BANK1: variants seen among roughly 807,000 people sequenced by gnomAD.
BANK1 encodes B-cell scaffold protein with ankyrin repeats.
Under a neutral mutation model 94.5 loss-of-function variants are expected in BANK1, and 95 were observed. The observed-to-expected ratio is 1.00, with a 90% confidence interval of 0.85 to 1.19. The LOEUF (loss-of-function observed/expected upper bound fraction) is 1.19, where lower values mean the gene tolerates loss of function less well. Ranked by LOEUF, BANK1 falls within the 50% of genes most tolerant of loss-of-function variation. BANK1 has a pLI of 0.00. For synonymous variants in BANK1, 334 were observed against 308.4 expected, an observed-to-expected ratio of 1.08 and a Z score of -0.87; for missense variants, 987 against 932.2, an observed-to-expected ratio of 1.06 and a Z score of -0.77.
intron 12 of BANK1, chr4:102,062,660 T>C (rs1175050764): frequency 6.3e-6 from 1 of 159,086 alleles, no homozygotes; most frequent in Non-Finnish European, 1.4e-5. Context: ...GAGGCTGAGA[T>C]GGGCTCAGGC....
At chr4:101,939,288 C>A (rs186406355) in intron 7 of BANK1, among the ~76,000 whole-genome samples, 1 of 151,678 alleles carries the variant, frequency 6.6e-6, no homozygotes, top group African/African-American at 2.4e-5. Context: ...ACAAGACCGT[C>A]TAAAATGCAA....
At chr4:102,028,475 C>T (rs865982577) in intron 9 of BANK1, among the ~76,000 whole-genome samples, 1 of 152,106 alleles carries the variant, frequency 6.6e-6, no homozygotes, top group Non-Finnish European at 1.5e-5. Flanking sequence ...TTACCCAAGG[C>T]AATTGCTGAA....
At chr4:101,968,636 A>G (rs1289807926) in intron 7 of BANK1, among the ~76,000 whole-genome samples, 1 of 152,068 alleles carries the variant, frequency 6.6e-6, no homozygotes, top group African/African-American at 2.4e-5. Context: ...ACGAAAGTAC[A>G]AGGGCACTGC....
intron 1 of BANK1, among the ~76,000 whole-genome samples, chr4:101,827,156 C>A (rs1373672252): frequency 6.6e-6 from 1 of 151,588 alleles, no homozygotes; most frequent in African/African-American, 2.4e-5. Context: ...AAAAGAAAGC[C>A]ATATATCTCT....
intron 7 of BANK1, among the ~76,000 whole-genome samples, chr4:102,010,452 G>A (rs910546637): frequency 1.3e-5 from 2 of 149,480 alleles, no homozygotes; most frequent in Non-Finnish European, 3.0e-5. Flanking sequence ...GAGTGCAATG[G>A]CGCCATCTGG....
chr4:101,949,775 A>G (rs1249219582), intron 7 of BANK1, among the ~76,000 whole-genome samples: 1 of 152,164 alleles, frequency 6.6e-6, no homozygotes, highest in Non-Finnish European at 1.5e-5. Context: ...GTACAGGAAA[A>G]TGTTCATCAG....
chr4:101,991,357 T>C (rs1375888470), intron 7 of BANK1, among the ~76,000 whole-genome samples: 1 of 152,254 alleles, frequency 6.6e-6, no homozygotes, highest in Admixed American at 6.5e-5. Flanking sequence ...ACTTGCAAGA[T>C]AAATACTACT....
chr4:101,908,186 T>C (rs1224624024), intron 6 of BANK1, among the ~76,000 whole-genome samples: 2 of 152,196 alleles, frequency 1.3e-5, no homozygotes, highest in East Asian at 3.8e-4. Flanking sequence ...CAAAACAGCA[T>C]GGTACTGGTA....
intron 7 of BANK1, among the ~76,000 whole-genome samples, chr4:101,943,870 T>G (rs886268071): frequency 6.6e-6 from 1 of 151,936 alleles, no homozygotes; most frequent in Non-Finnish European, 1.5e-5. Flanking sequence ...TTGACGGTTT[T>G]TATTCTTGAG....
At chr4:101,971,334 G>A (rs2148923162) in intron 7 of BANK1, among the ~76,000 whole-genome samples, 1 of 152,168 alleles carries the variant, frequency 6.6e-6, no homozygotes, top group Non-Finnish European at 1.5e-5. Flanking sequence ...CTATTTGGTG[G>A]AAATTCTGAT....
At chr4:102,060,788 C>T (rs922274925) in intron 12 of BANK1, among the ~76,000 whole-genome samples, 5 of 152,088 alleles carry the variant, frequency 3.3e-5, no homozygotes, top group African/African-American at 1.2e-4. Context: ...AAATAAAATG[C>T]AATAAGTATT....
chr4:101,812,206 A>G (rs972647512), intron 1 of BANK1, among the ~76,000 whole-genome samples: 13 of 151,952 alleles, frequency 8.6e-5, no homozygotes, highest in Non-Finnish European at 1.8e-4. Context: ...TTATTCTGTG[A>G]AATATAACTG....
At chr4:101,945,323 T>C (rs1723892538) in intron 7 of BANK1, among the ~76,000 whole-genome samples, 1 of 151,980 alleles carries the variant, frequency 6.6e-6, no homozygotes, top group Admixed American at 6.6e-5. Context: ...GTTATTACTA[T>C]AAACTTTCAT....
chr4:101,975,958 A>G (rs1357452878), intron 7 of BANK1, among the ~76,000 whole-genome samples: 1 of 152,012 alleles, frequency 6.6e-6, no homozygotes, highest in Non-Finnish European at 1.5e-5. Context: ...TTTCTTTTAG[A>G]CTCTCAAAGG....
chr4:101,819,307 C>T (rs937203785), intron 1 of BANK1, among the ~76,000 whole-genome samples: 2 of 152,036 alleles, frequency 1.3e-5, no homozygotes, highest in African/African-American at 4.8e-5. Flanking sequence ...TTTATGGTAC[C>T]CATGCTTAGC....
At chr4:101,797,589 T>C (rs1389158769) in intron 1 of BANK1, among the ~76,000 whole-genome samples, 1 of 152,150 alleles carries the variant, frequency 6.6e-6, no homozygotes, top group African/African-American at 2.4e-5. Flanking sequence ...CCTTTTGTGA[T>C]ATAGTAGATT....
At chr4:102,001,167 A>T (rs2850383) in intron 7 of BANK1, among the ~76,000 whole-genome samples, 1 of 151,992 alleles carries the variant, frequency 6.6e-6, no homozygotes, top group Non-Finnish European at 1.5e-5. Context: ...ACTGAAGTCT[A>T]TGTGAATAAA....
At chr4:101,918,283 C>A in intron 7 of BANK1, 94 bp downstream of exon 7, 1 of 802,906 alleles carries the variant, frequency 1.2e-6, no homozygotes, top group Non-Finnish European at 1.8e-6. Context: ...TTACCGTTTT[C>A]TTTAAGACTC....
At chr4:101,876,238 G>T (rs766046440) in intron 5 of BANK1, among the ~76,000 whole-genome samples, 1 of 152,160 alleles carries the variant, frequency 6.6e-6, no homozygotes, top group Non-Finnish European at 1.5e-5. Context: ...CTGGCTTCAG[G>T]TGAGACTCAT....
Sources: gnomAD v4.1 joint callset for allele counts (sites outside exome capture counted in the v4.1 genomes callset) on GRCh38, gnomAD v4.1.1 for gene constraint, MANE v1.5 for transcripts, NCBI Gene and HGNC (gene_info 2026-07-23, HGNC 2026-07-21) for gene names.